Variants in ENPP3 observed in about 807,000 individuals in gnomAD.
ENPP3 encodes ectonucleotide pyrophosphatase/phosphodiesterase 3.
A neutral mutation model predicts 117.8 loss-of-function variants in ENPP3; 104 were observed. That is an observed-to-expected ratio of 0.88 (90% CI 0.75 to 1.04). ENPP3 has a LOEUF of 1.04. ENPP3 is among the 50% of genes least tolerant of loss of function. The probability of loss-of-function intolerance (pLI) is 0.00; values close to 1 mark genes in which losing one functional copy is unlikely to be tolerated. For synonymous variants in ENPP3, 380 were observed against 349.9 expected, an observed-to-expected ratio of 1.09 and a Z score of -0.96; for missense variants, 1,026 against 1,051.9, an observed-to-expected ratio of 0.98 and a Z score of 0.34.
intron 19 of ENPP3, among the ~76,000 whole-genome samples, chr6:131,725,096 C>G (rs1041610802): frequency 2.0e-5 from 3 of 151,462 alleles, no homozygotes; most frequent in Admixed American, 1.3e-4. Context: ...GATGGTGCAC[C>G]CTTGTAATCC....
chr6:131,686,042 A>C (rs1779147059), intron 14 of ENPP3, 135 bp downstream of exon 14: 1 of 467,656 alleles, frequency 2.1e-6, no homozygotes, highest in South Asian at 2.8e-5. Context: ...CATCAACATT[A>C]TTTTATATGC....
intron 20 of ENPP3, among the ~76,000 whole-genome samples, chr6:131,727,483 A>G (rs1003977751): frequency 5.4e-4 from 71 of 131,364 alleles, no homozygotes; most frequent in Middle Eastern, 4.7e-3. Flanking sequence ...TGAACCCGGG[A>G]GGTGGAGGTT....
intron 19 of ENPP3, among the ~76,000 whole-genome samples, chr6:131,724,735 A>C (rs945917030): frequency 3.3e-5 from 5 of 152,154 alleles, no homozygotes; most frequent in African/African-American, 1.2e-4. Flanking sequence ...TAATCTTATA[A>C]TCTGCCAAGT....
intron 17 of ENPP3, 120 bp from the exon 18 acceptor site, chr6:131,722,107 G>A (rs749310397): frequency 3.6e-5 from 25 of 687,826 alleles, no homozygotes; most frequent in Middle Eastern, 3.2e-4. Context: ...ACATAGCTTC[G>A]TTACAGCAGA....
Position 131,658,412 on chromosome 6 carries a change from A to G in ENPP3, c.554A>G (p.Asn185Ser), listed in dbSNP as rs1317004699. 1 of 1,514,632 alleles carries G rather than the reference A, an allele frequency of 6.6e-7. No individual in the cohort carries two copies. The highest frequency in any genetic ancestry group is 9.2e-7 in the Non-Finnish European group (1 of 1,089,694). 93.8% of individuals were successfully genotyped at this position (1,514,632 alleles called of 1,614,324 possible). A position where few individuals can be genotyped will look rare whatever the true frequency, so the allele number is the denominator to read the frequency against. Residue 185 changes from asparagine (N) to serine (S), a missense_variant, in exon 6 of 25, where the codon AAT becomes AGT. By Grantham distance (46) the Asn-to-Ser change is conservative. Coordinates refer to ENST00000357639, the MANE Select transcript of ENPP3 (RefSeq NM_005021.5). ...TGGGATACTTTAATGCCAAATATCA[A>G]TAAACTGAGTAAGTCTTCTGTAACT... ...YTWDTLMPNI[N>S]KLKTCGIHSK...
intron 14 of ENPP3, among the ~76,000 whole-genome samples, chr6:131,687,641 C>A (rs1779182624): frequency 6.6e-6 from 1 of 152,022 alleles, no homozygotes; most frequent in Non-Finnish European, 1.5e-5. Context: ...GGAATTTAAA[C>A]AAATCAACAA....
chr6:131,646,323 C>G (rs1174777459), intron 2 of ENPP3, among the ~76,000 whole-genome samples: 1 of 145,440 alleles, frequency 6.9e-6, no homozygotes, highest in Non-Finnish European at 1.5e-5. Flanking sequence ...TATTTTAACT[C>G]TTTTGCTCCC....
chr6:131,667,515 C>A (rs1183864427), intron 6 of ENPP3, among the ~76,000 whole-genome samples: 1 of 152,178 alleles, frequency 6.6e-6, no homozygotes, highest in Admixed American at 6.5e-5. Context: ...CTCATCTCTT[C>A]TAACTCAAGT....
intron 1 of ENPP3, among the ~76,000 whole-genome samples, 183 bp downstream of exon 1, chr6:131,637,645 G>T (rs568028502): frequency 1.3e-5 from 2 of 152,248 alleles, no homozygotes; most frequent in East Asian, 3.9e-4. Context: ...TTACACGTAA[G>T]AAATTTGAGT....
At chr6:131,687,064 T>C (rs913392864) in intron 14 of ENPP3, among the ~76,000 whole-genome samples, 4 of 152,232 alleles carry the variant, frequency 2.6e-5, no homozygotes, top group African/African-American at 9.6e-5. Context: ...ATGGTATCTC[T>C]GTTTTAAGTT....
At chr6:131,691,085 TA>T (rs1355774033) in intron 14 of ENPP3, among the ~76,000 whole-genome samples, 3 of 152,168 alleles carry the variant, frequency 2.0e-5, no homozygotes, top group Non-Finnish European at 4.4e-5. Context: ...GACCTAGAGT[TA>T]CAAAGGCCCA....
Position 131,678,598 on chromosome 6 carries a change from A to G in ENPP3, c.1011+658A>G, listed in dbSNP as rs184211279. ...TGGAAAGATGCAAAGGCTGCCATGA[A>G]TGTGGCATTTCCCCACCCCATGGAA... On this transcript the variant is annotated intron_variant, in intron 11 of 24. Transcript: ENST00000357639. Among the ~76,000 whole-genome samples, 66 of 152,356 alleles carry G rather than the reference A, an allele frequency of 4.3e-4. 1 individual carries two copies. The highest frequency in any genetic ancestry group is 3.7e-3 in the Admixed American group (56 of 15,306).
chr6:131,727,277 C>T (rs896273318), intron 20 of ENPP3, among the ~76,000 whole-genome samples: 9 of 152,058 alleles, frequency 5.9e-5, no homozygotes. Flanking sequence ...AACTTAGGGC[C>T]AGGCACAGTG....
At chr6:131,733,536 A>AT (rs1320746385) in intron 20 of ENPP3, 52 bp from the exon 21 acceptor site, 21 of 1,587,034 alleles carry the variant, frequency 1.3e-5, no homozygotes, top group Non-Finnish European at 1.8e-5. Flanking sequence ...ATATAAGGCA[A>AT]TGGGTGAGCC....
intron 21 of ENPP3, among the ~76,000 whole-genome samples, 153 bp downstream of exon 21, chr6:131,733,876 G>A (rs1019628338): frequency 6.6e-6 from 1 of 152,176 alleles, no homozygotes; most frequent in African/African-American, 2.4e-5. Flanking sequence ...GGCCAGAGCA[G>A]CACAGCGGCT....
chr6:131,642,570 G>A (rs992690740), intron 2 of ENPP3, among the ~76,000 whole-genome samples: 4 of 151,756 alleles, frequency 2.6e-5, no homozygotes, highest in Non-Finnish European at 2.9e-5. Context: ...ATGTCCCCCC[G>A]CTTTTTGTTG....
chr6:131,660,556 A>G (rs999348690), intron 6 of ENPP3, among the ~76,000 whole-genome samples: 1 of 152,236 alleles, frequency 6.6e-6, no homozygotes, highest in Admixed American at 6.5e-5. Context: ...CTGAAAAGTT[A>G]GATGGGAATC....
At chr6:131,744,989 C>T (rs1022622387) in intron 24 of ENPP3, among the ~76,000 whole-genome samples, 4 of 152,100 alleles carry the variant, frequency 2.6e-5, no homozygotes, top group African/African-American at 9.7e-5. Context: ...GCTGAAGTAT[C>T]GTCTCTGCAT....
intron 24 of ENPP3, among the ~76,000 whole-genome samples, chr6:131,745,496 T>G (rs1308353874): frequency 4.6e-5 from 7 of 152,144 alleles, no homozygotes; most frequent in Admixed American, 3.9e-4. Flanking sequence ...AAAAGTTAAC[T>G]GAACTTTAGC....
Sources: allele counts gnomAD v4.1 joint callset (sites outside exome capture counted in the v4.1 genomes callset), GRCh38; gene constraint gnomAD v4.1.1; transcripts MANE v1.5; gene names NCBI Gene and HGNC (gene_info 2026-07-23, HGNC 2026-07-21).